MEGF8: variants seen among roughly 807,000 people sequenced by gnomAD.
MEGF8 encodes multiple epidermal growth factor-like domains protein 8.
A neutral mutation model predicts 302.9 loss-of-function variants in MEGF8; 156 were observed. The ratio of observed to expected loss-of-function variants is 0.52; its 90% CI spans 0.45 to 0.59. The LOEUF is 0.59. MEGF8 is among the 20% of genes least tolerant of loss of function. The pLI is 0.00. For synonymous variants in MEGF8, 1,621 were observed against 1,660.5 expected, an observed-to-expected ratio of 0.98 and a Z score of 0.58; for missense variants, 3,345 against 3,964.5, an observed-to-expected ratio of 0.84 and a Z score of 4.20.
intron 1 of MEGF8, among the ~76,000 whole-genome samples, chr19:42,332,352 T>C (rs2039065924): frequency 6.6e-6 from 1 of 152,128 alleles, no homozygotes; most frequent in African/African-American, 2.4e-5. Context: ...TGGCCTTTTC[T>C]TGTGGCTTTG....
chr19:42,350,058 C>A (rs2039346161), intron 14 of MEGF8, 90 bp from the exon 15 acceptor site: 2 of 1,057,868 alleles, frequency 1.9e-6, no homozygotes, highest in South Asian at 3.0e-5. Flanking sequence ...AGTTCTCAAC[C>A]TGGGCTCCAA....
chr19:42,344,636 C>G lies in MEGF8; in HGVS notation c.1934-34C>G, dbSNP rs1022250071. The G allele has an allele frequency of 8.9e-6, 14 of 1,566,274 alleles. No homozygotes were observed. Among genetic ancestry groups the G allele is most frequent in the Non-Finnish European group, 1.2e-5 (14 of 1,152,882 alleles). On this transcript the variant is annotated intron_variant, in intron 11 of 41. Coordinates refer to ENST00000251268, the MANE Select transcript of MEGF8 (RefSeq NM_001271938.2). This position sits in a 1 kb window ranked among gnomAD's most constrained non-coding sequence, Gnocchi z 4.5. ...CAGGAGGGGGCCAGAGCACTCCACA[C>G]TGACCCACCGGCCCCCACCCCCTGT...
chr19:42,330,853 A>T (rs1199801387), intron 1 of MEGF8, among the ~76,000 whole-genome samples: 1 of 152,204 alleles, frequency 6.6e-6, no homozygotes, highest in Non-Finnish European at 1.5e-5. Context: ...GGGAAGGGAT[A>T]ATATGTTGCA....
intron 41 of MEGF8, among the ~76,000 whole-genome samples, chr19:42,373,706 GTTTTTTT>G (rs750576656): frequency 7.9e-5 from 8 of 100,988 alleles, no homozygotes; most frequent in Non-Finnish European, 9.9e-5. Context: ...GGGCTTTTGG[GTTTTTTT>G]TTTTTTTTTT....
chr19:42,347,063 C>G (rs1407032739), intron 12 of MEGF8, among the ~76,000 whole-genome samples: 1 of 151,828 alleles, frequency 6.6e-6, no homozygotes, highest in South Asian at 2.1e-4. Context: ...TTACCCCACT[C>G]CCTACCCCTT....
chr19:42,370,294 A>G lies in MEGF8; in HGVS notation c.6940A>G (p.Ile2314Val). 1 of 1,613,324 alleles carries G rather than the reference A, an allele frequency of 6.2e-7. No homozygotes were observed. The highest frequency in any genetic ancestry group is 1.1e-5 in the South Asian group (1 of 90,958). The change falls in exon 39 of 42, where the codon ATC becomes GTC. Residue 2314 changes from isoleucine (I) to valine (V), a missense_variant. Physicochemically the swap from Ile to Val is conservative, Grantham distance 29. Transcript: ENST00000251268. ...AFCRGNSHICISRKELQMSKG... is the reference protein window; with the variant it reads ...AFCRGNSHICVSRKELQMSKG... ...TTGTCGTGGAAATAGCCACATCTGC[A>G]TCTCCAGGAAGGAGTTACAAATGTC...
In MEGF8 at chr19:42,335,920, C is replaced by G. The variant is rs568442962; in HGVS notation, c.829-11C>G. On this transcript the variant is annotated splice_polypyrimidine_tract_variant and intron_variant, in intron 5 of 41. Coordinates refer to ENST00000251268, the MANE Select transcript of MEGF8 (RefSeq NM_001271938.2). ...GTGTCTCTACCTCTGTCTCTTTTCT[C>G]TTCCTCACAGGCTGCCCGTCACTCC... 6.9e-7 allele frequency: 1 copy of G among 1,455,986 alleles called. No homozygotes were observed. The highest frequency in any genetic ancestry group is 2.5e-5 in the East Asian group (1 of 40,072). 90.2% of individuals were successfully genotyped at this position (1,455,986 alleles called of 1,614,324 possible).
rs772064837 is a variant in MEGF8 at position 42,369,506 on chromosome 19, C to T, written c.6642-25C>T. The T allele has an allele frequency of 6.3e-7, 1 of 1,594,002 alleles. No individual in the cohort carries two copies. The highest frequency in any genetic ancestry group is 1.1e-5 in the South Asian group (1 of 90,262). ...AGCCACGAGGAGGGTGGCCACCTGCCCTGACCCCCACTTTGCCCCTGCAGC... is the reference window on the plus strand; with the variant it reads ...AGCCACGAGGAGGGTGGCCACCTGCTCTGACCCCCACTTTGCCCCTGCAGC... On this transcript the variant is annotated intron_variant, in intron 37 of 41. Transcript: ENST00000251268. The surrounding 1 kb of genome is among the most constrained non-coding windows in gnomAD (Gnocchi z 5.7).
Position 42,369,789 on chromosome 19 carries a change from G to A in MEGF8, c.6834+66G>A, listed in dbSNP as rs950897825. ...AGGCCCTCACTTGCCTTCATCCCAC[G>A]CTCAGGCGGCTCGCATCTCATCCTG... On this transcript the variant is annotated intron_variant, in intron 38 of 41. Transcript: ENST00000251268. This position sits in a 1 kb window ranked among gnomAD's most constrained non-coding sequence, Gnocchi z 5.7. 1.8e-5 allele frequency: 26 copies of A among 1,474,032 alleles called. No homozygotes were observed. Among genetic ancestry groups the A allele is most frequent in the African/African-American group, 2.8e-5 (2 of 71,826 alleles). The allele number at this position is 1,474,032 out of a possible 1,614,324, so 91.3% of individuals were successfully genotyped here. A position where few individuals can be genotyped will look rare whatever the true frequency, so the allele number is the denominator to read the frequency against.
chr19:42,360,448 T>G (rs2039515350), intron 31 of MEGF8, among the ~76,000 whole-genome samples: 1 of 151,216 alleles, frequency 6.6e-6, no homozygotes. Context: ...TGGGCTCAAG[T>G]GATCCTCCTA....
rs1401802986 is a variant in MEGF8, at chr19:42,378,582, T to C, written c.*1807T>C. On this transcript the variant is annotated 3_prime_UTR_variant, in exon 42 of 42. Coordinates refer to ENST00000251268, the MANE Select transcript of MEGF8 (RefSeq NM_001271938.2). Reference sequence around the variant, plus strand: ...TTCTACCCTAGCTGTCTTCTTGAACTTGGGACTCTCCTTTCCCAAGACTTC... The same window carrying C: ...TTCTACCCTAGCTGTCTTCTTGAACCTGGGACTCTCCTTTCCCAAGACTTC... 6.5e-6 allele frequency: 1 copy of C among 153,786 alleles called. No homozygotes were observed. Among genetic ancestry groups the C allele is most frequent in the Non-Finnish European group, 1.5e-5 (1 of 68,078 alleles). 9.5% of individuals were successfully genotyped at this position (153,786 alleles called of 1,614,324 possible). A position where few individuals can be genotyped will look rare whatever the true frequency, so the allele number is the denominator to read the frequency against.
In MEGF8 at chr19:42,354,532, C is replaced by T; in HGVS notation, c.4012-56C>T. 1 of 1,567,364 alleles carries T rather than the reference C, an allele frequency of 6.4e-7. No individual in the cohort carries two copies. Among genetic ancestry groups the T allele is most frequent in the Non-Finnish European group, 8.7e-7 (1 of 1,151,872 alleles). The stretch of plus-strand genomic sequence containing the variant: ...CTTGAACCCCTCCTCCTCCCAGACC[C>T]CAGGTGTCGTTCTCATCCTCATTGT... On this transcript the variant is annotated intron_variant, in intron 22 of 41. Transcript: ENST00000251268. This position sits in a 1 kb window ranked among gnomAD's most constrained non-coding sequence, Gnocchi z 4.3.
At chr19:42,338,774 T>G (rs1160001438) in intron 8 of MEGF8, among the ~76,000 whole-genome samples, 2 of 151,760 alleles carry the variant, frequency 1.3e-5, no homozygotes, top group Non-Finnish European at 2.9e-5. Context: ...CCACATAGTA[T>G]TCTATGATGT....
At chr19:42,370,673 T>C (rs1383974212) in intron 39 of MEGF8, 28 bp from the exon 40 acceptor site, 1 of 1,583,834 alleles carries the variant, frequency 6.3e-7, no homozygotes, top group Non-Finnish European at 8.6e-7. Flanking sequence ...CAGGCCTTTC[T>C]ATGATCACAC....
At position 42,349,557 on chromosome 19, in the gene MEGF8, C is replaced by G. The variant is rs114954140; in HGVS notation, c.2357C>G (p.Pro786Arg). 1.1e-4 allele frequency: 180 copies of G among 1,612,102 alleles called. No individual in the cohort carries two copies. In the African/African-American group the frequency reaches 2.2e-3, roughly 19 times the overall value. Residue 786 changes from proline to arginine, a missense_variant, in exon 14 of 42, where the codon CCT (proline) becomes CGT (arginine). By Grantham distance (103) the Pro-to-Arg change is moderately radical. Coordinates refer to ENST00000251268, the MANE Select transcript of MEGF8 (RefSeq NM_001271938.2). ...AAGGAGACGCGGCGGCTGCAGCGCC[C>G]TGGGTCTGCTCGCCTCTTCCCTCTG... is the stretch of plus-strand genomic sequence containing the variant. ...QEKETRRLQR[P>R]GSARLFPLPG...
In MEGF8 at chr19:42,326,168, C is replaced by T; in HGVS notation, c.-76C>T. 7.0e-7 allele frequency: 1 copy of T among 1,423,454 alleles called. No individual in the cohort carries two copies. The highest frequency in any genetic ancestry group is 9.1e-7 in the Non-Finnish European group (1 of 1,093,982). 88.2% of individuals were successfully genotyped at this position (1,423,454 alleles called of 1,614,324 possible). On this transcript the variant is annotated 5_prime_UTR_variant, in exon 1 of 42. Transcript: ENST00000251268. The stretch of plus-strand genomic sequence containing the variant: ...GCCTATAGAGGTCGCATTTGCAGGG[C>T]CTCACCCCGGGTAGAGGGTCCTCTC...
chr19:42,373,644 C>T (rs976005177), intron 41 of MEGF8, among the ~76,000 whole-genome samples: 1 of 151,596 alleles, frequency 6.6e-6, no homozygotes, highest in Admixed American at 6.6e-5. Context: ...AATCCACTCA[C>T]CTTGGCTTCT....
chr19:42,343,370 A>C, intron 8 of MEGF8, 107 bp from the exon 9 acceptor site: 2 of 1,305,450 alleles, frequency 1.5e-6, no homozygotes, highest in Non-Finnish European at 2.1e-6. Flanking sequence ...AGGTTGAAGC[A>C]GCCACCGGAA....
Position 42,371,403 on chromosome 19 carries a change from G to C in MEGF8, c.7190G>C (p.Cys2397Ser). The C allele has an allele frequency of 1.2e-6, 2 of 1,613,962 alleles. No individual in the cohort carries two copies. The highest frequency in any genetic ancestry group is 1.7e-6 in the Non-Finnish European group (2 of 1,179,890). The change falls in exon 41 of 42, where the codon TGT (cysteine) becomes TCT (serine). Residue 2397 changes from cysteine to serine, a missense_variant. Coordinates refer to ENST00000251268, the MANE Select transcript of MEGF8 (RefSeq NM_001271938.2). Reference sequence around the variant, plus strand: ...TGTAACGAGCAGGATGGGACGGGCTGTCCATGTCAGAATAACACAGAGACG... The same window carrying C: ...TGTAACGAGCAGGATGGGACGGGCTCTCCATGTCAGAATAACACAGAGACG... The part of the protein sequence containing the change: ...DTCNEQDGTG[C>S]PCQNNTETGT...
Sources: gnomAD v4.1 joint callset for allele counts (sites outside exome capture counted in the v4.1 genomes callset) on GRCh38, gnomAD v4.1.1 for gene constraint, Gnocchi (gnomAD v3.1) non-coding constraint, MANE v1.5 for transcripts, NCBI Gene and HGNC (gene_info 2026-07-23, HGNC 2026-07-21) for gene names.